KCND3: variants seen among roughly 807,000 people sequenced by gnomAD.
The protein encoded by KCND3 is potassium voltage-gated channel subfamily D member 3, also known as A-type voltage-gated potassium channel KCND3.
A neutral mutation model predicts 51.1 loss-of-function variants in KCND3; 9 were observed. That is an observed-to-expected ratio of 0.18 (90% CI 0.11 to 0.31). The LOEUF is 0.31. KCND3 is among the 10% of genes least tolerant of loss of function. The pLI is 1.00. For synonymous variants in KCND3, 349 were observed against 368.0 expected (o/e 0.95, Z 0.59); for missense variants, 526 against 903.8 (o/e 0.58, Z 5.36).
At chr1:111,971,295 CA>C (rs3058881) in intron 2 of KCND3, among the ~76,000 whole-genome samples, 54,850 of 134,112 alleles carry the variant, frequency 0.41, 9,838 homozygotes, top group East Asian at 0.56. Context: ...TTGCAGGAGG[CA>C]AAAAAAAAAA....
rs1365593994 is a variant in KCND3, at chr1:111,772,474, G to T, written c.*3603C>A. 1 of 152,194 alleles carries T rather than the reference G, an allele frequency of 6.6e-6. No homozygotes were observed. Among genetic ancestry groups the T allele is most frequent in the Non-Finnish European group, 1.5e-5 (1 of 68,038 alleles). The allele number at this position is 152,194 out of a possible 1,614,324, so 9.4% of individuals were successfully genotyped here. On this transcript the variant is annotated 3_prime_UTR_variant, in exon 8 of 8. Coordinates refer to ENST00000302127, the MANE Select transcript of KCND3 (RefSeq NM_001378969.1). ...AGACTATGTCTCCAATTACAGTATG[G>T]ATTCTTTGATGGATCTTCTCCAAAG... is the stretch of plus-strand genomic sequence containing the variant.
chr1:111,948,401 T>C (rs1309481965), intron 2 of KCND3, among the ~76,000 whole-genome samples: 4 of 152,218 alleles, frequency 2.6e-5, no homozygotes, highest in Non-Finnish European at 5.9e-5. Flanking sequence ...TGAGGTGGCG[T>C]AGGGAGGCGG....
intron 2 of KCND3, among the ~76,000 whole-genome samples, chr1:111,902,466 G>C (rs1278632556): frequency 2.6e-5 from 4 of 152,154 alleles, no homozygotes; most frequent in Non-Finnish European, 4.4e-5. Flanking sequence ...ACAGGTCCTG[G>C]GTAGGACACA....
chr1:111,831,070 G>T (rs1666811692), intron 2 of KCND3, among the ~76,000 whole-genome samples: 1 of 152,240 alleles, frequency 6.6e-6, no homozygotes, highest in South Asian at 2.1e-4. Context: ...CACCCTCCTG[G>T]CCTGGAAGGT....
rs148009155 is a variant in KCND3, at chr1:111,873,829, G to C, written c.1107-86723C>G. Among the ~76,000 whole-genome samples the C allele has an allele frequency of 6.8e-3, 1,029 of 152,086 alleles. 12 individuals carry two copies. The highest frequency in any genetic ancestry group is 0.01 in the Middle Eastern group (3 of 294). ...CCTTGCCACTGATGCAGAGCTGCCTGTTTGGCAGCCTGTGGTACTCAAGAT... is the reference window on the plus strand; with the variant it reads ...CCTTGCCACTGATGCAGAGCTGCCTCTTTGGCAGCCTGTGGTACTCAAGAT... On this transcript the variant is annotated intron_variant, in intron 2 of 7. Transcript: ENST00000302127.
intron 7 of KCND3, 29 bp from the exon 8 acceptor site, chr1:111,776,307 G>T: frequency 6.2e-7 from 1 of 1,603,484 alleles, no homozygotes; most frequent in Non-Finnish European, 8.5e-7. Context: ...AGTTGATGAT[G>T]GTTCCTGCTG....
At chr1:111,915,618 T>A (rs912335169) in intron 2 of KCND3, among the ~76,000 whole-genome samples, 1 of 151,068 alleles carries the variant, frequency 6.6e-6, no homozygotes, top group Admixed American at 6.6e-5. Context: ...CTGGGCGTGG[T>A]GGTGGGCGCC....
intron 2 of KCND3, among the ~76,000 whole-genome samples, chr1:111,810,931 G>C (rs1471340776): frequency 6.6e-6 from 1 of 152,098 alleles, no homozygotes; most frequent in Non-Finnish European, 1.5e-5. Context: ...CCAATAATTG[G>C]GCTAAAATAA....
At chr1:111,806,475 A>G (rs1345138999) in intron 2 of KCND3, among the ~76,000 whole-genome samples, 1 of 152,160 alleles carries the variant, frequency 6.6e-6, no homozygotes, top group Non-Finnish European at 1.5e-5. Context: ...GGACCATTTG[A>G]TTGGGTTAAA....
At chr1:111,821,864 G>GT (rs1038174212) in intron 2 of KCND3, among the ~76,000 whole-genome samples, 2 of 152,044 alleles carry the variant, frequency 1.3e-5, no homozygotes, top group African/African-American at 4.8e-5. Flanking sequence ...GGCTCTGAGG[G>GT]TGTGTGTGTG....
chr1:111,880,911 C>T (rs1038830729), intron 2 of KCND3, among the ~76,000 whole-genome samples: 3 of 152,064 alleles, frequency 2.0e-5, no homozygotes, highest in African/African-American at 7.2e-5. Context: ...GCTCTCGGTC[C>T]GTCCCAGCCC....
intron 2 of KCND3, among the ~76,000 whole-genome samples, chr1:111,961,983 G>A (rs1053742570): frequency 6.6e-6 from 1 of 152,106 alleles, no homozygotes; most frequent in African/African-American, 2.4e-5. Context: ...ACGCCATCTG[G>A]TATTCCTGGG....
chr1:111,880,114 G>A (rs1669235942), intron 2 of KCND3, among the ~76,000 whole-genome samples: 1 of 152,186 alleles, frequency 6.6e-6, no homozygotes, highest in Non-Finnish European at 1.5e-5. Context: ...ATGTTTTTAA[G>A]TTAGTGGAAT....
chr1:111,808,262 T>C (rs1665671154), intron 2 of KCND3, among the ~76,000 whole-genome samples: 1 of 152,240 alleles, frequency 6.6e-6, no homozygotes, highest in Non-Finnish European at 1.5e-5. Context: ...GAAAACCTTT[T>C]CTGATTCACT....
chr1:111,886,232 A>T (rs976172567), intron 2 of KCND3, among the ~76,000 whole-genome samples: 1 of 152,196 alleles, frequency 6.6e-6, no homozygotes, highest in Admixed American at 6.5e-5. Flanking sequence ...CAACATACAC[A>T]ATGAAAGCCT....
At chr1:111,836,154 G>C (rs1355066851) in intron 2 of KCND3, among the ~76,000 whole-genome samples, 1 of 152,238 alleles carries the variant, frequency 6.6e-6, no homozygotes, top group Admixed American at 6.5e-5. Flanking sequence ...TCCTGGACAA[G>C]AGACTTTTGG....
At chr1:111,884,729 C>T (rs1669491070) in intron 2 of KCND3, among the ~76,000 whole-genome samples, 1 of 152,184 alleles carries the variant, frequency 6.6e-6, no homozygotes, top group Non-Finnish European at 1.5e-5. Context: ...AAAAGAATTG[C>T]ATGTTAATGT....
intron 2 of KCND3, among the ~76,000 whole-genome samples, chr1:111,797,766 T>C (rs2101535592): frequency 1.3e-5 from 2 of 152,198 alleles, no homozygotes; most frequent in African/African-American, 4.8e-5. Flanking sequence ...GAGATGAGGC[T>C]GGAGGGGTAG....
At chr1:111,922,794 C>G (rs75511572) in intron 2 of KCND3, among the ~76,000 whole-genome samples, 1 of 152,202 alleles carries the variant, frequency 6.6e-6, no homozygotes, top group Admixed American at 6.5e-5. Flanking sequence ...AGTTACTTGA[C>G]CTTTCTGAGC....
Sources: allele counts gnomAD v4.1 joint callset (sites outside exome capture counted in the v4.1 genomes callset), GRCh38; gene constraint gnomAD v4.1.1; transcripts MANE v1.5; gene names NCBI Gene and HGNC (gene_info 2026-07-23, HGNC 2026-07-21).